The following CSMD1 variants were observed in gnomAD, a reference collection of about 807,000 sequenced individuals.
CSMD1 encodes CUB and Sushi multiple domains 1.
CSMD1 carries 213 observed loss-of-function variants against 417.5 expected under a neutral mutation model. That is an observed-to-expected ratio of 0.51 (90% confidence interval 0.46 to 0.57). CSMD1 has a LOEUF of 0.57. CSMD1 is among the 20% of genes least tolerant of loss of function. The pLI is 0.00. For synonymous variants in CSMD1, 2,862 were observed against 1,736.8 expected (o/e 1.65, Z -16.11); for missense variants, 6,923 against 4,529.7 (o/e 1.53, Z -15.17).
In CSMD1 at chr8:4,420,593, C is replaced by T. The variant is rs116398091; in HGVS notation, c.303-528G>A. On this transcript the variant is annotated intron_variant, in intron 2 of 69. Transcript: ENST00000635120. ...GTGAATGTGTGTATAAACATTTGTGCACTCAAACATGAAAGTATTGCAAAA... is the reference window on the plus strand; with the variant it reads ...GTGAATGTGTGTATAAACATTTGTGTACTCAAACATGAAAGTATTGCAAAA... 4.8e-3 allele frequency among the ~76,000 whole-genome samples: 726 copies of T among 152,130 alleles called. 6 individuals are homozygous for T. The highest frequency in any genetic ancestry group is 0.017 in the African/African-American group (698 of 41,496).
intron 7 of CSMD1, among the ~76,000 whole-genome samples, chr8:3,618,004 T>C (rs949805025): frequency 2.0e-5 from 3 of 152,110 alleles, no homozygotes; most frequent in Non-Finnish European, 2.9e-5. Context: ...CAAGTTTAGC[T>C]TAGTTTGTTT....
chr8:3,039,971 A>C (rs1009367210), intron 50 of CSMD1, among the ~76,000 whole-genome samples: 2 of 152,170 alleles, frequency 1.3e-5, no homozygotes, highest in African/African-American at 4.8e-5. Flanking sequence ...AAAGAAGGGT[A>C]GTTTCCAAGC....
intron 10 of CSMD1, among the ~76,000 whole-genome samples, chr8:3,510,889 T>C (rs1175445038): frequency 6.6e-6 from 1 of 151,826 alleles, no homozygotes; most frequent in African/African-American, 2.4e-5. Flanking sequence ...AAGTTCCTTG[T>C]AGGTTCTGGA....
chr8:3,536,094 A>T (rs1455556634), intron 10 of CSMD1, among the ~76,000 whole-genome samples: 1 of 152,236 alleles, frequency 6.6e-6, no homozygotes, highest in Non-Finnish European at 1.5e-5. Context: ...CAAGTAGCTG[A>T]TAAATATTAT....
In CSMD1 at chr8:4,906,179, T is replaced by C. The variant is rs137866712; in HGVS notation, c.85+88153A>G. Reference sequence around the variant, plus strand: ...AAAGGAAGTTTCCTGTGAGAACCCTTGAGTCTAGAAAATCACCCTTTCACT... The same window carrying C: ...AAAGGAAGTTTCCTGTGAGAACCCTCGAGTCTAGAAAATCACCCTTTCACT... On this transcript the variant is annotated intron_variant, in intron 1 of 69. Coordinates refer to ENST00000635120, the MANE Select transcript of CSMD1 (RefSeq NM_033225.6). Among the ~76,000 whole-genome samples, 128 of 152,294 alleles carry C rather than the reference T, an allele frequency of 8.4e-4. No homozygotes were observed. In the Middle Eastern group the frequency reaches 0.02, roughly 24 times the overall value.
chr8:3,403,171 T>C (rs1016905283), intron 15 of CSMD1, among the ~76,000 whole-genome samples: 1 of 152,244 alleles, frequency 6.6e-6, no homozygotes, highest in Non-Finnish European at 1.5e-5. Context: ...TGGTCAGTTA[T>C]ATAATTGATT....
At chr8:3,719,838 G>T (rs1263266351) in intron 6 of CSMD1, among the ~76,000 whole-genome samples, 2 of 152,174 alleles carry the variant, frequency 1.3e-5, no homozygotes, top group East Asian at 3.9e-4. Flanking sequence ...TCACAGTGGG[G>T]ATTTTGAAGT....
chr8:3,328,150 C>T (rs1043282703), intron 23 of CSMD1, among the ~76,000 whole-genome samples: 3 of 152,212 alleles, frequency 2.0e-5, no homozygotes, highest in African/African-American at 7.2e-5. Context: ...AAGCCACTTA[C>T]TTTCCCTAAA....
intron 7 of CSMD1, among the ~76,000 whole-genome samples, chr8:3,659,158 T>A (rs1393155933): frequency 6.6e-6 from 1 of 152,160 alleles, no homozygotes; most frequent in African/African-American, 2.4e-5. Flanking sequence ...TTGTTGCAGA[T>A]TCATGGAATC....
chr8:3,582,184 C>A (rs1047100110), intron 9 of CSMD1, among the ~76,000 whole-genome samples: 1 of 152,206 alleles, frequency 6.6e-6, no homozygotes, highest in Admixed American at 6.5e-5. Context: ...AACGTGTCAA[C>A]AGCAAAGAAC....
rs534151996 is a variant in CSMD1 at position 3,527,167 on chromosome 8, A to C, written c.1345-33441T>G. Among the ~76,000 whole-genome samples the C allele has an allele frequency of 3.3e-5, 5 of 152,284 alleles. No individual in the cohort carries two copies. In the South Asian group the frequency reaches 6.2e-4, roughly 19 times the overall value. ...TCTCTCTCCACGTTTTTATAACACAAAAAAATAAAATTTTAATATAAAACA... is the reference window on the plus strand; with the variant it reads ...TCTCTCTCCACGTTTTTATAACACACAAAAATAAAATTTTAATATAAAACA... On this transcript the variant is annotated intron_variant, in intron 10 of 69. Transcript: ENST00000635120.
At chr8:3,727,376 G>C (rs992816443) in intron 6 of CSMD1, among the ~76,000 whole-genome samples, 2 of 152,168 alleles carry the variant, frequency 1.3e-5, no homozygotes, top group Non-Finnish European at 2.9e-5. Context: ...CAGAGAGCTG[G>C]CAGCCCCGCC....
chr8:3,875,007 GA>G (rs112638490), intron 5 of CSMD1, among the ~76,000 whole-genome samples: 5,706 of 152,212 alleles, frequency 0.037, 195 homozygotes, highest in African/African-American at 0.088. Flanking sequence ...ATCATCTCAA[GA>G]AGAATGGATG....
intron 1 of CSMD1, among the ~76,000 whole-genome samples, chr8:4,801,287 G>T (rs961221884): frequency 6.6e-6 from 1 of 152,084 alleles, no homozygotes; most frequent in East Asian, 1.9e-4. Context: ...ATTGCAAAAT[G>T]AAATATGAAG....
chr8:3,594,870 G>C (rs549631164), intron 8 of CSMD1, among the ~76,000 whole-genome samples: 2 of 152,102 alleles, frequency 1.3e-5, no homozygotes, highest in Non-Finnish European at 2.9e-5. Context: ...TGGAGCTTCT[G>C]AGAGCCCTGC....
At chr8:4,066,773 G>T (rs1021057220) in intron 3 of CSMD1, among the ~76,000 whole-genome samples, 2 of 152,126 alleles carry the variant, frequency 1.3e-5, no homozygotes, top group Non-Finnish European at 2.9e-5. Flanking sequence ...TACGGAAAGG[G>T]GCGAGAAACG....
intron 5 of CSMD1, among the ~76,000 whole-genome samples, chr8:3,831,698 G>C (rs1802387655): frequency 6.6e-6 from 1 of 152,140 alleles, no homozygotes; most frequent in African/African-American, 2.4e-5. Context: ...TGTTTGGAAT[G>C]CCAATGAATT....
At chr8:3,792,346 C>T (rs1054426167) in intron 5 of CSMD1, among the ~76,000 whole-genome samples, 1 of 152,096 alleles carries the variant, frequency 6.6e-6, no homozygotes, top group African/African-American at 2.4e-5. Context: ...AATCAATGAA[C>T]ACCCACATGT....
chr8:3,102,858 G>T (rs372199937), intron 46 of CSMD1, among the ~76,000 whole-genome samples: 1 of 152,174 alleles, frequency 6.6e-6, no homozygotes, highest in Non-Finnish European at 1.5e-5. Flanking sequence ...GGGCCTTGAA[G>T]CATGACAAGA....
Sources: gnomAD v4.1 joint callset for allele counts (sites outside exome capture counted in the v4.1 genomes callset) on GRCh38, gnomAD v4.1.1 for gene constraint, MANE v1.5 for transcripts, NCBI Gene and HGNC (gene_info 2026-07-23, HGNC 2026-07-21) for gene names.